TENM3: variants seen among roughly 807,000 people sequenced by gnomAD.
TENM3 encodes teneurin transmembrane protein 3, also known as teneurin-3.
A neutral mutation model predicts 255.1 loss-of-function variants in TENM3; 63 were observed. The observed-to-expected ratio is 0.25, with a 90% confidence interval of 0.20 to 0.30. The LOEUF (loss-of-function observed/expected upper bound fraction) is 0.30. Among genes scored for constraint, TENM3 ranks in the 10% least tolerant of loss-of-function variants. The pLI, the probability that TENM3 is intolerant of heterozygous loss-of-function variation, is 1.00. For missense variants in TENM3, 2,929 were observed against 3,461.1 expected, an observed-to-expected ratio of 0.85 and a Z score of 3.86; for synonymous variants, 1,306 against 1,322.3, an observed-to-expected ratio of 0.99 and a Z score of 0.27.
the TENM3 span, among the ~76,000 whole-genome samples, chr4:181,915,560 A>C: frequency 6.6e-6 from 1 of 152,040 alleles, no homozygotes; most frequent in Admixed American, 6.6e-5. Context: ...ATCTGAATCT[A>C]ATGATATATT....
At chr4:182,250,842 A>T (rs1292481793) in intron 1 of TENM3, among the ~76,000 whole-genome samples, 1 of 152,236 alleles carries the variant, frequency 6.6e-6, no homozygotes, top group African/African-American at 2.4e-5. Context: ...TAAACATGCA[A>T]TGGTGAATTG....
At chr4:182,353,564 A>C (rs1765320265) in intron 3 of TENM3, among the ~76,000 whole-genome samples, 1 of 152,206 alleles carries the variant, frequency 6.6e-6, no homozygotes, top group South Asian at 2.1e-4. Flanking sequence ...ATACATTTAC[A>C]ATTTCAATAG....
chr4:182,597,555 G>A (rs1353684494), intron 3 of TENM3, among the ~76,000 whole-genome samples: 1 of 152,112 alleles, frequency 6.6e-6, no homozygotes, highest in Non-Finnish European at 1.5e-5. Context: ...TTCCCTCTTT[G>A]TGCTGGCAAG....
chr4:181,864,799 C>T, the TENM3 span, among the ~76,000 whole-genome samples: 1 of 152,156 alleles, frequency 6.6e-6, no homozygotes, highest in Admixed American at 6.5e-5. Context: ...TTGTGTGTTA[C>T]ATTGTTCTCA....
chr4:181,507,866 C>G, the TENM3 span, among the ~76,000 whole-genome samples: 1 of 152,104 alleles, frequency 6.6e-6, no homozygotes, highest in East Asian at 1.9e-4. Context: ...TTTTTCTGCA[C>G]ACAACTTTTG....
the TENM3 span, among the ~76,000 whole-genome samples, chr4:181,920,649 G>C: frequency 6.6e-6 from 1 of 151,742 alleles, no homozygotes; most frequent in Non-Finnish European, 1.5e-5. Flanking sequence ...TGTCAGATGA[G>C]TAGGTTGCAA....
chr4:182,258,671 C>G (rs899138953), intron 1 of TENM3, among the ~76,000 whole-genome samples: 1 of 152,280 alleles, frequency 6.6e-6, no homozygotes, highest in African/African-American at 2.4e-5. Context: ...TGTGCTATAG[C>G]CTTTAGTCCC....
the TENM3 span, among the ~76,000 whole-genome samples, chr4:181,610,806 T>C: frequency 6.6e-6 from 1 of 152,126 alleles, no homozygotes; most frequent in Non-Finnish European, 1.5e-5. Flanking sequence ...GCTACCTGTT[T>C]ATCAGGGCAG....
chr4:181,556,796 GTTC>G, the TENM3 span, among the ~76,000 whole-genome samples: 9 of 151,910 alleles, frequency 5.9e-5, no homozygotes, highest in Admixed American at 4.6e-4. Context: ...TTTTTCATTT[GTTC>G]TTCTCGAAAT....
At chr4:182,154,826 T>C (rs1750593048) in intron 1 of TENM3, among the ~76,000 whole-genome samples, 3 of 152,226 alleles carry the variant, frequency 2.0e-5, no homozygotes, top group Admixed American at 2.0e-4. Flanking sequence ...AATACACGTG[T>C]ATGTAATAGT....
At chr4:182,594,824 A>G (rs1410540648) in intron 3 of TENM3, among the ~76,000 whole-genome samples, 5 of 151,314 alleles carry the variant, frequency 3.3e-5, no homozygotes, top group South Asian at 4.2e-4. Context: ...GGTTCATGCA[A>G]TTCTCCTGCC....
At chr4:182,621,574 A>G (rs1482938202) in intron 4 of TENM3, among the ~76,000 whole-genome samples, 1 of 128,806 alleles carries the variant, frequency 7.8e-6, no homozygotes, top group Non-Finnish European at 1.6e-5. Context: ...GTCAGCCTGA[A>G]CAACATAGGG....
the TENM3 span, among the ~76,000 whole-genome samples, chr4:182,097,486 T>C: frequency 6.6e-6 from 1 of 152,200 alleles, no homozygotes; most frequent in East Asian, 1.9e-4. Context: ...AAACCTGAGA[T>C]TCTTCATATA....
At chr4:182,100,726 C>T in the TENM3 span, among the ~76,000 whole-genome samples, 9 of 93,876 alleles carry the variant, frequency 9.6e-5, no homozygotes, top group Non-Finnish European at 1.5e-4. Flanking sequence ...TATATACACA[C>T]ATATATACAC....
chr4:181,679,655 A>C, the TENM3 span, among the ~76,000 whole-genome samples: 1 of 152,158 alleles, frequency 6.6e-6, no homozygotes, highest in Admixed American at 6.6e-5. Context: ...TCCTGAGGGA[A>C]TATATATGAC....
the TENM3 span, among the ~76,000 whole-genome samples, chr4:182,105,980 C>T: frequency 3.9e-5 from 6 of 152,230 alleles, no homozygotes; most frequent in African/African-American, 7.2e-5. Context: ...TACATTTATA[C>T]GAAACAAACC....
chr4:182,736,802 A>G lies in TENM3; in HGVS notation c.2968-6A>G. 6.2e-7 allele frequency: 1 copy of G among 1,611,018 alleles called. No homozygotes were observed. ...AGTTTGAAACTTCTGCTTTATTCAA[A>G]CTTAGGTACTCCACGAGGAAACTAC... is the stretch of plus-strand genomic sequence containing the variant. On this transcript the variant is annotated splice_region_variant and splice_polypyrimidine_tract_variant and intron_variant, in intron 16 of 27. Coordinates refer to ENST00000511685, the MANE Select transcript of TENM3 (RefSeq NM_001080477.4).
intron 2 of TENM3, among the ~76,000 whole-genome samples, chr4:182,334,441 A>G (rs1415639167): frequency 6.6e-6 from 1 of 151,518 alleles, no homozygotes; most frequent in Non-Finnish European, 1.5e-5. Flanking sequence ...CTTCAAATTT[A>G]TCTTAAAATT....
At chr4:181,865,892 G>C in the TENM3 span, among the ~76,000 whole-genome samples, 32 of 152,252 alleles carry the variant, frequency 2.1e-4, no homozygotes, top group African/African-American at 6.3e-4. Context: ...TCTATGAACA[G>C]AGAAATTGGT....
Sources: gnomAD v4.1 joint callset for allele counts (sites outside exome capture counted in the v4.1 genomes callset) on GRCh38, gnomAD v4.1.1 for gene constraint, MANE v1.5 for transcripts, NCBI Gene and HGNC (gene_info 2026-07-23, HGNC 2026-07-21) for gene names.